ASAP2: variants seen among roughly 807,000 people sequenced by gnomAD.
ASAP2 encodes the protein arf-GAP with SH3 domain, ANK repeat and PH domain-containing protein 2.
In ASAP2, 45 loss-of-function variants were observed where a neutral mutation model predicts 131.4. The ratio of observed to expected loss-of-function variants is 0.34; its 90% CI spans 0.27 to 0.44. The LOEUF (loss-of-function observed/expected upper bound fraction) is 0.44. Among genes scored for constraint, ASAP2 ranks in the 20% least tolerant of loss-of-function variants. ASAP2 has a pLI of 1.00. For missense variants in ASAP2, 1,011 were observed against 1,297.0 expected, an observed-to-expected ratio of 0.78 and a Z score of 3.39; for synonymous variants, 510 against 503.0, an observed-to-expected ratio of 1.01 and a Z score of -0.19.
At chr2:9,251,808 G>A (rs1664728624) in intron 1 of ASAP2, among the ~76,000 whole-genome samples, 1 of 152,128 alleles carries the variant, frequency 6.6e-6, no homozygotes, top group African/African-American at 2.4e-5. Context: ...AGGAACAGCT[G>A]CCAGGAAGGA....
In ASAP2 at chr2:9,207,624, G is replaced by A. The variant is rs1371755121; in HGVS notation, c.126+394G>A. On this transcript the variant is annotated intron_variant, in intron 1 of 27. Coordinates refer to ENST00000281419, the MANE Select transcript of ASAP2 (RefSeq NM_003887.3). This position sits in a 1 kb window ranked among gnomAD's most constrained non-coding sequence, Gnocchi z 4.1. ...TATCAACTTGTTCTTGAAGTGGACC[G>A]GCGGGGGCAGCTCCGCGCTCCGAGC... Among the ~76,000 whole-genome samples, 1 of 151,958 alleles carries A rather than the reference G, an allele frequency of 6.6e-6. No individual in the cohort carries two copies. Among genetic ancestry groups the A allele is most frequent in the African/African-American group, 2.4e-5 (1 of 41,430 alleles).
chr2:9,334,653 C>A, intron 7 of ASAP2, 85 bp from the exon 8 acceptor site: 3 of 1,219,846 alleles, frequency 2.5e-6, no homozygotes, highest in Non-Finnish European at 2.4e-6. Flanking sequence ...TGACTTCAGT[C>A]ACTTTAAAGA....
chr2:9,358,466 C>T (rs1672856959), intron 14 of ASAP2, among the ~76,000 whole-genome samples: 1 of 152,072 alleles, frequency 6.6e-6, no homozygotes. Context: ...CATTGAGGAG[C>T]CCTTGGTCAC....
At chr2:9,314,925 A>C (rs1434365653) in intron 3 of ASAP2, among the ~76,000 whole-genome samples, 5 of 3,048 alleles carry the variant, frequency 1.6e-3, no homozygotes, top group Non-Finnish European at 0.012. Flanking sequence ...TCCATCTCAA[A>C]AAAAAAAAAA....
chr2:9,350,917 C>T (rs753021956), intron 12 of ASAP2, 22 bp downstream of exon 12: 17 of 1,572,306 alleles, frequency 1.1e-5, no homozygotes, highest in East Asian at 4.5e-5. Context: ...TCTGAGATGC[C>T]GCGCCATAGA....
intron 1 of ASAP2, among the ~76,000 whole-genome samples, chr2:9,230,132 T>C (rs1409846867): frequency 1.3e-5 from 2 of 152,208 alleles, no homozygotes; most frequent in African/African-American, 4.8e-5. Context: ...GAGGGAGTCC[T>C]GGATTTCTAG....
Position 9,399,820 on chromosome 2 carries a change from G to A in ASAP2, c.2685-203G>A, listed in dbSNP as rs1295272851. The A allele has an allele frequency of 1.7e-5, 10 of 598,138 alleles. No homozygotes were observed. In the East Asian group the frequency reaches 2.6e-4, roughly 15 times the overall value. 37.1% of individuals were successfully genotyped at this position (598,138 alleles called of 1,614,324 possible). A position where few individuals can be genotyped will look rare whatever the true frequency, so the allele number is the denominator to read the frequency against. ...GTGCTCTGGAAAAGCCCTGGTTTTAGGATCAGAAACGTTGAATTTAGCACT... is the reference window on the plus strand; with the variant it reads ...GTGCTCTGGAAAAGCCCTGGTTTTAAGATCAGAAACGTTGAATTTAGCACT... On this transcript the variant is annotated intron_variant, in intron 24 of 27. Transcript: ENST00000281419.
At chr2:9,388,219 C>G (rs1182101643) in intron 21 of ASAP2, 75 bp from the exon 22 acceptor site, 1 of 1,581,826 alleles carries the variant, frequency 6.3e-7, no homozygotes, top group East Asian at 2.2e-5. Flanking sequence ...GAGGTTTTCA[C>G]CCCTGTGTTG....
chr2:9,223,117 A>T (rs1662543413), intron 1 of ASAP2, among the ~76,000 whole-genome samples: 1 of 152,178 alleles, frequency 6.6e-6, no homozygotes, highest in Non-Finnish European at 1.5e-5. Flanking sequence ...GATGACATTT[A>T]AAGTTGGCCT....
chr2:9,367,629 C>G (rs901200621), intron 15 of ASAP2, among the ~76,000 whole-genome samples: 2 of 151,972 alleles, frequency 1.3e-5, no homozygotes, highest in African/African-American at 4.8e-5. Flanking sequence ...GGCGTGGTGG[C>G]GTGTGCCTAT....
chr2:9,319,640 G>A (rs192926988), intron 4 of ASAP2, among the ~76,000 whole-genome samples: 81 of 152,332 alleles, frequency 5.3e-4, no homozygotes, highest in African/African-American at 1.9e-3. Flanking sequence ...TGAGGCCATT[G>A]AAAAGCCAAA....
At chr2:9,333,287 CTT>C (rs1475903459) in intron 7 of ASAP2, among the ~76,000 whole-genome samples, 2 of 152,218 alleles carry the variant, frequency 1.3e-5, no homozygotes, top group Non-Finnish European at 2.9e-5. Flanking sequence ...ATACACCAAA[CTT>C]TGCGGGTACT....
rs1676928925 is a variant in ASAP2, at chr2:9,403,509, G to A, written c.*182G>A. On this transcript the variant is annotated 3_prime_UTR_variant, in exon 28 of 28. Transcript: ENST00000281419. The stretch of plus-strand genomic sequence containing the variant: ...ATCAGTAATTGTTTTTATAATTTGT[G>A]GTTTTCATGAAACATTGCTATGCAT... 6 of 557,266 alleles carry A rather than the reference G, an allele frequency of 1.1e-5. No homozygotes were observed. The highest frequency in any genetic ancestry group is 2.7e-5 in the South Asian group (1 of 37,236). The allele number at this position is 557,266 out of a possible 1,614,324, so 34.5% of individuals were successfully genotyped here.
At chr2:9,242,424 T>G (rs1664039183) in intron 1 of ASAP2, among the ~76,000 whole-genome samples, 1 of 152,212 alleles carries the variant, frequency 6.6e-6, no homozygotes, top group Non-Finnish European at 1.5e-5. Flanking sequence ...TCTGGTAGGG[T>G]CACACCTAGA....
intron 1 of ASAP2, among the ~76,000 whole-genome samples, chr2:9,277,887 GT>G (rs1264756869): frequency 1.3e-5 from 2 of 152,174 alleles, no homozygotes; most frequent in African/African-American, 4.8e-5. Context: ...AATCATGTCT[GT>G]TTTTAGCATC....
intron 2 of ASAP2, among the ~76,000 whole-genome samples, chr2:9,294,648 G>A (rs375964737): frequency 9.2e-5 from 14 of 152,342 alleles, no homozygotes; most frequent in African/African-American, 2.9e-4. Flanking sequence ...CCTAGTAGGC[G>A]TTGACCTTTA....
At chr2:9,278,540 A>G (rs1281932476) in intron 1 of ASAP2, among the ~76,000 whole-genome samples, 1 of 151,822 alleles carries the variant, frequency 6.6e-6, no homozygotes, top group Admixed American at 6.6e-5. Context: ...AAAAAGAACA[A>G]AGGACTTTTT....
chr2:9,369,181 G>T (rs1673735421), intron 16 of ASAP2, among the ~76,000 whole-genome samples: 1 of 152,198 alleles, frequency 6.6e-6, no homozygotes, highest in Non-Finnish European at 1.5e-5. Flanking sequence ...ACCACGCCTG[G>T]CTAATTTTTA....
chr2:9,309,029 A>G (rs1669124980), intron 3 of ASAP2, among the ~76,000 whole-genome samples: 2 of 152,306 alleles, frequency 1.3e-5, no homozygotes, highest in South Asian at 2.1e-4. Context: ...CCTTTGTGTT[A>G]GAGTCCCGTT....
Sources: gnomAD v4.1 joint callset for allele counts (sites outside exome capture counted in the v4.1 genomes callset) on GRCh38, gnomAD v4.1.1 for gene constraint, Gnocchi (gnomAD v3.1) non-coding constraint, MANE v1.5 for transcripts, NCBI Gene and HGNC (gene_info 2026-07-23, HGNC 2026-07-21) for gene names.